The following FOXP1 variants were observed in gnomAD, a reference collection of about 807,000 sequenced individuals.
FOXP1 encodes forkhead box P1, also known as forkhead box protein P1.
A neutral mutation model predicts 98.2 loss-of-function variants in FOXP1; 15 were observed. The ratio of observed to expected loss-of-function variants is 0.15; its 90% CI spans 0.10 to 0.24. The LOEUF (loss-of-function observed/expected upper bound fraction) is 0.24, where lower values mean the gene tolerates loss of function less well. FOXP1 is among the 10% of genes least tolerant of loss of function. The pLI, the probability that FOXP1 is intolerant of heterozygous loss-of-function variation, is 1.00. For synonymous variants in FOXP1, 371 were observed against 314.5 expected (o/e 1.18, Z -1.90); for missense variants, 633 against 848.5 (o/e 0.75, Z 3.15).
At chr3:71,068,481 T>C (rs1057514647) in intron 7 of FOXP1, among the ~76,000 whole-genome samples, 2 of 152,178 alleles carry the variant, frequency 1.3e-5, no homozygotes, top group African/African-American at 2.4e-5. Flanking sequence ...CAATGGTCCC[T>C]GGCCCACGTG....
At chr3:70,972,724 G>T (rs946273307) in intron 17 of FOXP1, 48 bp from the exon 18 acceptor site, 1 of 1,602,028 alleles carries the variant, frequency 6.2e-7, no homozygotes, top group Non-Finnish European at 8.5e-7. Flanking sequence ...TATAAGAAAA[G>T]ACTCCAAAAA....
chr3:71,569,119 C>T (rs2047138172), intron 2 of FOXP1, among the ~76,000 whole-genome samples: 1 of 152,110 alleles, frequency 6.6e-6, no homozygotes, highest in Non-Finnish European at 1.5e-5. Context: ...CTAATACATG[C>T]TCCAAGCTGC....
rs75239400 is a variant in FOXP1 at position 70,991,595 on chromosome 3, C to T, written c.1063-3518G>A. 2.7e-3 allele frequency among the ~76,000 whole-genome samples: 409 copies of T among 152,158 alleles called. 15 individuals carry two copies. In the East Asian group the frequency reaches 0.076, roughly 28 times the overall value. ...TAAGGCCAATTTGGCAGTTCTCACTCGTGAGAAACAAAACTCTGCTGAAAT... is the reference window on the plus strand; with the variant it reads ...TAAGGCCAATTTGGCAGTTCTCACTTGTGAGAAACAAAACTCTGCTGAAAT... On this transcript the variant is annotated intron_variant, in intron 13 of 20. Coordinates refer to ENST00000649528, the MANE Select transcript of FOXP1 (RefSeq NM_001349338.3).
chr3:71,513,132 C>A (rs2107344279), intron 2 of FOXP1, among the ~76,000 whole-genome samples: 1 of 152,298 alleles, frequency 6.6e-6, no homozygotes, highest in African/African-American at 2.4e-5. Flanking sequence ...TCTGCCTCTA[C>A]AGCCTGTCCT....
chr3:71,382,155 G>T (rs1032088617), intron 3 of FOXP1, among the ~76,000 whole-genome samples: 11 of 152,062 alleles, frequency 7.2e-5, no homozygotes, highest in African/African-American at 2.7e-4. Context: ...CACGCCTATA[G>T]TCCCAGCTAC....
At chr3:70,972,310 G>T in intron 18 of FOXP1, 6 of 980,018 alleles carry the variant, frequency 6.1e-6, no homozygotes, top group Non-Finnish European at 8.9e-6. Context: ...CAAATGGTTT[G>T]TGAGGGTTAA....
intron 4 of FOXP1, among the ~76,000 whole-genome samples, chr3:71,307,642 A>T (rs1473825652): frequency 6.6e-6 from 1 of 152,158 alleles, no homozygotes; most frequent in Non-Finnish European, 1.5e-5. Flanking sequence ...ATAAACCACA[A>T]AACAAAATTT....
intron 2 of FOXP1, among the ~76,000 whole-genome samples, chr3:71,503,619 A>C (rs1393235322): frequency 6.6e-6 from 1 of 151,634 alleles, no homozygotes; most frequent in African/African-American, 2.4e-5. Flanking sequence ...AAAAAAAAAA[A>C]AACACCACGA....
At chr3:71,250,140 C>T (rs950261312) in intron 5 of FOXP1, among the ~76,000 whole-genome samples, 2 of 150,004 alleles carry the variant, frequency 1.3e-5, no homozygotes, top group Non-Finnish European at 2.9e-5. Flanking sequence ...TGTAAGCTAC[C>T]CTATGCATTG....
At chr3:71,549,039 T>C (rs2045575739) in intron 2 of FOXP1, among the ~76,000 whole-genome samples, 1 of 152,194 alleles carries the variant, frequency 6.6e-6, no homozygotes, top group African/African-American at 2.4e-5. Flanking sequence ...TGCACAACAC[T>C]GCCTCAAAGG....
At chr3:71,014,881 T>G (rs1310431687) in intron 12 of FOXP1, among the ~76,000 whole-genome samples, 1 of 151,824 alleles carries the variant, frequency 6.6e-6, no homozygotes, top group East Asian at 1.9e-4. Flanking sequence ...CTGAGCAAAC[T>G]ATCGCAAGGA....
intron 6 of FOXP1, among the ~76,000 whole-genome samples, chr3:71,191,378 C>G (rs2062970948): frequency 6.6e-6 from 1 of 152,154 alleles, no homozygotes; most frequent in Non-Finnish European, 1.5e-5. Flanking sequence ...TTTTTATTAG[C>G]TCACCGGTCA....
chr3:71,098,575 T>A lies in FOXP1; in HGVS notation c.282+13961A>T, dbSNP rs77984662. On this transcript the variant is annotated intron_variant, in intron 7 of 20. Coordinates refer to ENST00000649528, the MANE Select transcript of FOXP1 (RefSeq NM_001349338.3). ...GAACCTGAGACCAGTCTGAAGCCTC[T>A]TCAACTGTGAACCAGTATCAATTTT... 6.0e-3 allele frequency among the ~76,000 whole-genome samples: 911 copies of A among 152,316 alleles called. 14 individuals are homozygous for A. Among genetic ancestry groups the A allele is most frequent in the African/African-American group, 0.021 (880 of 41,560 alleles).
intron 4 of FOXP1, among the ~76,000 whole-genome samples, chr3:71,313,202 G>C (rs1205587215): frequency 1.3e-5 from 2 of 151,278 alleles, no homozygotes; most frequent in East Asian, 4.0e-4. Flanking sequence ...TAGGAATACA[G>C]GCGCCCGCCA....
intron 2 of FOXP1, among the ~76,000 whole-genome samples, chr3:71,513,458 C>CCA (rs2042344751): frequency 6.6e-6 from 1 of 152,164 alleles, no homozygotes; most frequent in Non-Finnish European, 1.5e-5. Flanking sequence ...ACTTCCTGGT[C>CCA]ACAGCCACCA....
intron 4 of FOXP1, among the ~76,000 whole-genome samples, chr3:71,338,808 A>C (rs886090250): frequency 2.6e-5 from 4 of 152,226 alleles, no homozygotes; most frequent in African/African-American, 7.2e-5. Context: ...GCAATAAAGA[A>C]GACACTAACA....
chr3:71,362,318 C>CCCG (rs2078626964), intron 3 of FOXP1, among the ~76,000 whole-genome samples: 1 of 151,950 alleles, frequency 6.6e-6, no homozygotes, highest in Admixed American at 6.6e-5. Flanking sequence ...ACTACAGGTG[C>CCCG]CCACTGTAAT....
intron 5 of FOXP1, among the ~76,000 whole-genome samples, chr3:71,243,751 C>T (rs1483646928): frequency 1.3e-5 from 2 of 152,118 alleles, no homozygotes; most frequent in East Asian, 3.8e-4. Flanking sequence ...CACTTGTTTT[C>T]AATTATGAAG....
In FOXP1 at chr3:70,956,095, A is replaced by G. The variant is rs1019018725; in HGVS notation, c.*3152T>C. 4.3e-6 allele frequency: 1 copy of G among 233,064 alleles called. No individual in the cohort carries two copies. The highest frequency in any genetic ancestry group is 2.2e-5 in the African/African-American group (1 of 45,328). The allele number at this position is 233,064 out of a possible 1,614,324, so 14.4% of individuals were successfully genotyped here. ...TATTTTTTTTTAGTATCGTTAATAT[A>G]AAGCAGTTGCACAAAAAGCAAAGGT... On this transcript the variant is annotated 3_prime_UTR_variant, in exon 21 of 21. Transcript: ENST00000649528.
Sources: allele counts gnomAD v4.1 joint callset (sites outside exome capture counted in the v4.1 genomes callset), GRCh38; gene constraint gnomAD v4.1.1; transcripts MANE v1.5; gene names NCBI Gene and HGNC (gene_info 2026-07-23, HGNC 2026-07-21).